The following UBR3 variants were observed in gnomAD, a reference collection of about 807,000 sequenced individuals.
The protein encoded by UBR3 is ubiquitin protein ligase E3 component n-recognin 3.
In UBR3, 85 loss-of-function variants were observed where a neutral mutation model predicts 243.2. The ratio of observed to expected loss-of-function variants is 0.35; its 90% confidence interval spans 0.29 to 0.42. UBR3 has a LOEUF of 0.42. Among genes scored for constraint, UBR3 ranks in the 10% least tolerant of loss-of-function variants. The pLI is 1.00. For synonymous variants in UBR3, 748 were observed against 799.8 expected, an observed-to-expected ratio of 0.94 and a Z score of 1.09; for missense variants, 1,686 against 2,300.8, an observed-to-expected ratio of 0.73 and a Z score of 5.47.
rs145042985 is a variant in UBR3 at position 170,031,370 on chromosome 2, T to G, written c.4556+1922T>G. 1.6e-3 allele frequency among the ~76,000 whole-genome samples: 243 copies of G among 152,278 alleles called. 1 individual carries two copies. The highest frequency in any genetic ancestry group is 6.8e-3 in the Middle Eastern group (2 of 292). On this transcript the variant is annotated intron_variant, in intron 31 of 38. Transcript: ENST00000272793. The stretch of plus-strand genomic sequence containing the variant: ...CATGTATGATTTTTTTGTCAAAGTT[T>G]TTTTAATATAGTCATATTAATCTTT...
intron 7 of UBR3, 82 bp from the exon 8 acceptor site, chr2:169,896,425 T>G (rs2084595335): frequency 1.1e-6 from 1 of 887,048 alleles, no homozygotes; most frequent in Admixed American, 3.4e-5. Flanking sequence ...AGCTGTAAAA[T>G]GTTAACATGA....
At chr2:169,836,065 ATAT>A (rs2082099926) in intron 1 of UBR3, among the ~76,000 whole-genome samples, 5 of 27,930 alleles carry the variant, frequency 1.8e-4, no homozygotes, top group African/African-American at 5.7e-4. Context: ...ATATATATAT[ATAT>A]TTTTTTTTTT....
At chr2:169,852,873 A>AAAC (rs2082708975) in intron 1 of UBR3, among the ~76,000 whole-genome samples, 7 of 143,210 alleles carry the variant, frequency 4.9e-5, no homozygotes, top group African/African-American at 1.8e-4. Context: ...AAAAAAAAAA[A>AAAC]AAAAACAAAA....
intron 1 of UBR3, among the ~76,000 whole-genome samples, chr2:169,840,985 A>T (rs1278646288): frequency 6.6e-6 from 1 of 151,822 alleles, no homozygotes; most frequent in African/African-American, 2.4e-5. Flanking sequence ...AAACAGTTCT[A>T]CCCTCAAGGC....
At chr2:170,007,679 C>T (rs2089962945) in intron 28 of UBR3, among the ~76,000 whole-genome samples, 1 of 152,104 alleles carries the variant, frequency 6.6e-6, no homozygotes, top group South Asian at 2.1e-4. Context: ...GCCTGACCAA[C>T]ATGGCAAAAC....
Position 169,932,938 on chromosome 2 carries a change from C to G in UBR3, c.2593C>G (p.Pro865Ala). The change falls in exon 19 of 39, where the codon CCC (proline) becomes GCC (alanine). Residue 865 changes from proline to alanine, a missense_variant. By Grantham distance (27) the Pro-to-Ala change is conservative. This residue lies in a region of UBR3 where 346 missense variants were observed against 585.8 expected (regional missense o/e 0.59). Transcript: ENST00000272793. ...TGAAGTCTGGGATCAAGAGTTTGAC[C>G]CCGTCATGGTCATTCTTCGAACAGT... is the stretch of plus-strand genomic sequence containing the variant. Reference protein sequence around the residue: ...KAEVWDQEFDPVMVILRTVYR... With the variant: ...KAEVWDQEFDAVMVILRTVYR... 6.5e-7 allele frequency: 1 copy of G among 1,541,474 alleles called. No homozygotes were observed. The highest frequency in any genetic ancestry group is 8.7e-7 in the Non-Finnish European group (1 of 1,143,906).
chr2:170,046,421 C>T (rs2091089582), intron 32 of UBR3, among the ~76,000 whole-genome samples: 1 of 152,070 alleles, frequency 6.6e-6, no homozygotes, highest in African/African-American at 2.4e-5. Flanking sequence ...GAGTCTTTTT[C>T]CCTTTAGAAC....
rs1052840913 is a variant in UBR3, at chr2:170,041,109, G to T, written c.4660+124G>T. On this transcript the variant is annotated intron_variant, in intron 32 of 38. Transcript: ENST00000272793. ...TGTAATCCCCGCACTTTAGGAGGCT[G>T]AGGTGGGTGGATTGCTTGAGCACAG... 3.5e-6 allele frequency: 3 copies of T among 848,288 alleles called. No individual in the cohort carries two copies. The East Asian group carries it at 8.3e-5, about 23-fold the overall frequency. 52.5% of individuals were successfully genotyped at this position (848,288 alleles called of 1,614,324 possible). A position where few individuals can be genotyped will look rare whatever the true frequency, so the allele number is the denominator to read the frequency against.
intron 31 of UBR3, among the ~76,000 whole-genome samples, chr2:170,038,713 A>G (rs1272267627): frequency 6.6e-6 from 1 of 152,122 alleles, no homozygotes; most frequent in Non-Finnish European, 1.5e-5. Flanking sequence ...GAGGACTATC[A>G]TGTTTTAGGC....
chr2:170,008,934 T>C lies in UBR3; in HGVS notation c.4361T>C (p.Val1454Ala). 2 of 1,588,080 alleles carry C rather than the reference T, an allele frequency of 1.3e-6. No individual in the cohort carries two copies. Among genetic ancestry groups the C allele is most frequent in the Non-Finnish European group, 1.7e-6 (2 of 1,170,478 alleles). ...PDNDFLFMYS[V>A]ARTNLELELI... ...AATGATTTTCTCTTTATGTACTCTG[T>C]TGCTAGGTAGGTATATATAGTGTAT... is the stretch of plus-strand genomic sequence containing the variant. The change falls in exon 29 of 39, where the codon GTT becomes GCT. Residue 1454 changes from valine (V) to alanine (A), a missense_variant. Physicochemically the swap from Val to Ala is moderately conservative, Grantham distance 64 (BLOSUM62 0). Transcript: ENST00000272793.
rs1327608016 is a variant in UBR3, at chr2:169,896,718, T to C, written c.1448T>C (p.Ile483Thr). The C allele has an allele frequency of 1.3e-6, 2 of 1,548,954 alleles. No individual in the cohort carries two copies. The highest frequency in any genetic ancestry group is 1.2e-5 in the South Asian group (1 of 83,502). ...VLLYMMESCLIKSELQDEENS... is the reference protein window; with the variant it reads ...VLLYMMESCLTKSELQDEENS... ...TTATACATGATGGAAAGTTGCCTTA[T>C]TAAAAGTGAGCTACAAGGTAACTCA... Residue 483 changes from isoleucine (I) to threonine (T), a missense_variant, in exon 8 of 39, where the codon ATT becomes ACT. Ile to Thr is a moderately conservative substitution (Grantham distance 89). Coordinates refer to ENST00000272793, the MANE Select transcript of UBR3 (RefSeq NM_172070.4).
At chr2:169,984,149 T>C (rs1000993919) in intron 24 of UBR3, among the ~76,000 whole-genome samples, 1 of 152,158 alleles carries the variant, frequency 6.6e-6, no homozygotes, top group African/African-American at 2.4e-5. Flanking sequence ...GTGTGGAAAA[T>C]ATGTGCAGAT....
chr2:169,856,796 C>G (rs541521477), intron 1 of UBR3, among the ~76,000 whole-genome samples: 22 of 127,148 alleles, frequency 1.7e-4, no homozygotes, highest in African/African-American at 6.3e-4. Context: ...AGTCCAGCCT[C>G]GGCTTGGCAT....
In UBR3 at chr2:170,023,686, G is replaced by T. The variant is rs140987038; in HGVS notation, c.4454-5660G>T. Among the ~76,000 whole-genome samples the T allele has an allele frequency of 3.9e-5, 6 of 152,188 alleles. No individual in the cohort carries two copies. The South Asian group carries it at 1.2e-3, about 32-fold the overall frequency. On this transcript the variant is annotated intron_variant, in intron 30 of 38. Transcript: ENST00000272793. The stretch of plus-strand genomic sequence containing the variant: ...TAGCTCACTGCAACCTCTGTCTCCC[G>T]GATTCAAGCGATTCTCCTGCCTCAG...
chr2:170,074,287 A>G (rs1432741294), intron 36 of UBR3, among the ~76,000 whole-genome samples: 1 of 152,198 alleles, frequency 6.6e-6, no homozygotes, highest in Non-Finnish European at 1.5e-5. Flanking sequence ...TAACTAATGT[A>G]AGAGACATTT....
In UBR3 at chr2:169,904,745, T is replaced by G. The variant is rs533316798; in HGVS notation, c.1466-369T>G. 4.6e-5 allele frequency among the ~76,000 whole-genome samples: 7 copies of G among 152,274 alleles called. No homozygotes were observed. The South Asian group carries it at 1.5e-3, about 32-fold the overall frequency. ...TAATCTAGGGATAAAAATTTTTTAT[T>G]GATTTCAACAGAAAATACTGCATTA... is the stretch of plus-strand genomic sequence containing the variant. On this transcript the variant is annotated intron_variant, in intron 8 of 38. Transcript: ENST00000272793.
intron 24 of UBR3, among the ~76,000 whole-genome samples, chr2:169,969,138 G>T (rs1269313567): frequency 1.3e-5 from 2 of 152,102 alleles, no homozygotes; most frequent in Admixed American, 1.3e-4. Flanking sequence ...TCATACTGTA[G>T]GTTGTCTCTT....
rs1383269041 is a variant in UBR3, at chr2:169,890,583, A to ATATATATATATG, written c.1039-573_1039-572insATGTATATATAT. On this transcript the variant is annotated intron_variant, in intron 5 of 38. Coordinates refer to ENST00000272793, the MANE Select transcript of UBR3 (RefSeq NM_172070.4). ...TATATATGTGTATATATATATATGTATATATATATGTATATATATGTATAT... is the reference window on the plus strand; with the variant it reads ...TATATATGTGTATATATATATATGTATATATATATATGTATATATATGTATATATATGTATAT... Among the ~76,000 whole-genome samples, 134 of 94,104 alleles carry ATATATATATATG rather than the reference A, an allele frequency of 1.4e-3. 2 individuals carry two copies. Among genetic ancestry groups the ATATATATATATG allele is most frequent in the African/African-American group, 5.4e-3 (123 of 22,732 alleles). The allele number at this position is 94,104 out of a possible 152,430, so 61.7% of individuals were successfully genotyped here. A position where few individuals can be genotyped will look rare whatever the true frequency, so the allele number is the denominator to read the frequency against.
intron 1 of UBR3, among the ~76,000 whole-genome samples, chr2:169,845,344 G>A (rs1284078547): frequency 1.3e-5 from 2 of 150,426 alleles, no homozygotes; most frequent in Non-Finnish European, 3.0e-5. Flanking sequence ...GGTTACTTGA[G>A]TCTGGGATAT....
Sources: allele counts gnomAD v4.1 joint callset (sites outside exome capture counted in the v4.1 genomes callset), GRCh38; gene constraint gnomAD v4.1.1; regional missense constraint gnomAD v4.1.1; transcripts MANE v1.5; gene names NCBI Gene and HGNC (gene_info 2026-07-23, HGNC 2026-07-21).